The following BCL2L11 variants were observed in gnomAD, a reference collection of about 807,000 sequenced individuals.
BCL2L11 encodes the protein bcl-2-like protein 11.
BCL2L11 carries 15 observed loss-of-function variants against 20.6 expected under a neutral mutation model. The observed-to-expected ratio is 0.73, with a 90% confidence interval of 0.49 to 1.12. BCL2L11 has a LOEUF of 1.12. BCL2L11 is among the 50% of genes most tolerant of loss of function. The pLI, the probability that BCL2L11 is intolerant of heterozygous loss-of-function variation, is 0.00. For synonymous variants in BCL2L11, 108 were observed against 92.8 expected (o/e 1.16, Z -0.94); for missense variants, 292 against 260.9 (o/e 1.12, Z -0.82).
At chr2:111,144,984 T>C (rs1229308878) in intron 2 of BCL2L11, among the ~76,000 whole-genome samples, 1 of 152,252 alleles carries the variant, frequency 6.6e-6, no homozygotes, top group Non-Finnish European at 1.5e-5. Flanking sequence ...TGTTCTATTA[T>C]GTGTGTAAAA....
At chr2:111,151,980 G>A in intron 3 of BCL2L11, 3 of 1,216,848 alleles carry the variant, frequency 2.5e-6, no homozygotes, top group East Asian at 2.6e-5. Context: ...TTTACCTAAA[G>A]GGATTTTGGT....
chr2:111,127,959 G>A (rs199910381), intron 2 of BCL2L11, among the ~76,000 whole-genome samples: 60 of 152,190 alleles, frequency 3.9e-4, no homozygotes, highest in African/African-American at 1.3e-3. Flanking sequence ...AACACAAAGC[G>A]TAAAATTTAC....
At chr2:111,128,506 TG>T (rs2073157750) in intron 2 of BCL2L11, 1 of 1,287,058 alleles carries the variant, frequency 7.8e-7, no homozygotes, top group Non-Finnish European at 9.9e-7. Flanking sequence ...TTTAATTTTT[TG>T]GGGAACCATC....
intron 3 of BCL2L11, among the ~76,000 whole-genome samples, chr2:111,160,393 G>C (rs977098632): frequency 7.9e-5 from 12 of 152,314 alleles, no homozygotes; most frequent in African/African-American, 2.6e-4. Flanking sequence ...ACAGACACGT[G>C]CCTTGAAGTC....
chr2:111,140,203 C>T (rs1198859938), intron 2 of BCL2L11, among the ~76,000 whole-genome samples: 1 of 152,056 alleles, frequency 6.6e-6, no homozygotes, highest in Non-Finnish European at 1.5e-5. Context: ...GTACATAATG[C>T]TTGGTTTAGT....
intron 2 of BCL2L11, chr2:111,128,815 G>T: frequency 1.4e-6 from 2 of 1,466,066 alleles, no homozygotes; most frequent in Non-Finnish European, 1.8e-6. Context: ...TATGGTCATT[G>T]GTGATTAAAT....
intron 3 of BCL2L11, among the ~76,000 whole-genome samples, chr2:111,152,775 A>G (rs922749492): frequency 6.6e-6 from 1 of 152,072 alleles, no homozygotes; most frequent in Non-Finnish European, 1.5e-5. Flanking sequence ...TCCCAATGTC[A>G]TTTCACAGTT....
intron 1 of BCL2L11, among the ~76,000 whole-genome samples, chr2:111,122,372 G>C (rs1265378220): frequency 6.6e-6 from 1 of 152,180 alleles, no homozygotes; most frequent in Non-Finnish European, 1.5e-5. Flanking sequence ...GGATGGGCAG[G>C]GTGGCCGGGC....
intron 1 of BCL2L11, chr2:111,122,777 G>C: frequency 2.0e-6 from 2 of 985,332 alleles, no homozygotes; most frequent in Non-Finnish European, 2.4e-6. Flanking sequence ...CTGCGCCGGG[G>C]ACTCTGAACC....
chr2:111,123,190 C>T (rs1345068298), intron 1 of BCL2L11: 1 of 985,476 alleles, frequency 1.0e-6, no homozygotes, highest in African/African-American at 1.7e-5. Context: ...GGCCGAGCCG[C>T]GCTGGAGTTA....
intron 2 of BCL2L11, chr2:111,145,920 CTTT>C (rs58738963): frequency 0.032 from 22,758 of 720,760 alleles, 17 homozygotes; most frequent in African/African-American, 0.046. Context: ...TAGTGGCTTT[CTTT>C]TTTTTTTTTT....
In BCL2L11 at chr2:111,139,526, T is replaced by A. The variant is rs560293128; in HGVS notation, c.395-10518T>A. ...AAGACTTCTACAACTGCGTTTTCCT[T>A]CTTTTCCCTGAGGTAATTAAACTCC... On this transcript the variant is annotated intron_variant, in intron 2 of 3. Coordinates refer to ENST00000393256, the MANE Select transcript of BCL2L11 (RefSeq NM_138621.5). Among the ~76,000 whole-genome samples, 38 of 152,350 alleles carry A rather than the reference T, an allele frequency of 2.5e-4. No individual in the cohort carries two copies. In the South Asian group the frequency reaches 6.8e-3, roughly 27 times the overall value.
intron 3 of BCL2L11, chr2:111,162,723 C>G (rs1280971155): frequency 2.0e-5 from 3 of 152,170 alleles, no homozygotes; most frequent in Non-Finnish European, 4.4e-5. Context: ...CAGGTTGGCA[C>G]AAAACAACTC....
rs768104359 is a variant in BCL2L11 at position 111,124,100 on chromosome 2, C to T, written c.355C>T (p.Pro119Ser). 1.2e-6 allele frequency: 2 copies of T among 1,613,494 alleles called. No individual in the cohort carries two copies. Among genetic ancestry groups the T allele is most frequent in the South Asian group, 1.1e-5 (1 of 91,032 alleles). Residue 119 changes from proline (P) to serine (S), a missense_variant, in exon 2 of 4, where the codon CCT (proline) becomes TCT (serine). Transcript: ENST00000393256. ...TGACAAATCAACACAAACCCCAAGTCCTCCTTGCCAGGCCTTCAACCACTA... is the reference window on the plus strand; with the variant it reads ...TGACAAATCAACACAAACCCCAAGTTCTCCTTGCCAGGCCTTCAACCACTA... ...SCDKSTQTPSPPCQAFNHYLS... is the reference protein window; with the variant it reads ...SCDKSTQTPSSPCQAFNHYLS...
intron 3 of BCL2L11, among the ~76,000 whole-genome samples, chr2:111,151,049 C>T (rs1341228835): frequency 1.2e-4 from 18 of 152,236 alleles, no homozygotes; most frequent in Admixed American, 9.8e-4. Flanking sequence ...GGATTACAGG[C>T]GCCTGCAACC....
intron 3 of BCL2L11, among the ~76,000 whole-genome samples, chr2:111,155,979 T>C (rs1184589215): frequency 1.3e-5 from 2 of 152,208 alleles, no homozygotes; most frequent in Non-Finnish European, 2.9e-5. Flanking sequence ...ACATTAGCAT[T>C]TTCCTGTGCT....
At chr2:111,143,826 ATTAG>A (rs2076162808) in intron 2 of BCL2L11, among the ~76,000 whole-genome samples, 2 of 152,202 alleles carry the variant, frequency 1.3e-5, no homozygotes, top group African/African-American at 4.8e-5. Flanking sequence ...GACATGGATA[ATTAG>A]TTTTTCTGAT....
At position 111,167,823 on chromosome 2, in the gene BCL2L11, T is replaced by C; in HGVS notation, c.*3592T>C. The C allele has an allele frequency of 6.5e-6, 1 of 152,944 alleles. No individual in the cohort carries two copies. 9.5% of individuals were successfully genotyped at this position (152,944 alleles called of 1,614,324 possible). A position where few individuals can be genotyped will look rare whatever the true frequency, so the allele number is the denominator to read the frequency against. ...GGTCACTGCATTTGGTCAGCCTGCT[T>C]CTTCAGGTCGATGCCCTCCTTCTGA... On this transcript the variant is annotated 3_prime_UTR_variant, in exon 4 of 4. Transcript: ENST00000393256.
At chr2:111,163,457 T>C (rs2078817610) in intron 3 of BCL2L11, 1 of 152,348 alleles carries the variant, frequency 6.6e-6, no homozygotes, top group South Asian at 2.1e-4. Context: ...CTGAAAGCAT[T>C]GGATAAGCTG....
Sources: gnomAD v4.1 joint callset for allele counts (sites outside exome capture counted in the v4.1 genomes callset) on GRCh38, gnomAD v4.1.1 for gene constraint, MANE v1.5 for transcripts, NCBI Gene and HGNC (gene_info 2026-07-23, HGNC 2026-07-21) for gene names.